The following DSE variants were observed in gnomAD, a reference collection of about 807,000 sequenced individuals.
The protein encoded by DSE is dermatan sulfate epimerase, also known as dermatan-sulfate epimerase.
In DSE, 36 loss-of-function variants were observed where a neutral mutation model predicts 84.4. The observed-to-expected ratio is 0.43, with a 90% CI of 0.33 to 0.56. The LOEUF (loss-of-function observed/expected upper bound fraction) is 0.56, where lower values mean the gene tolerates loss of function less well. Ranked by LOEUF, DSE falls within the 20% of genes least tolerant of loss-of-function variation. The probability of loss-of-function intolerance (pLI) is 0.06; values close to 1 mark genes in which losing one functional copy is unlikely to be tolerated. For synonymous variants in DSE, 410 were observed against 430.1 expected (o/e 0.95, Z 0.58); for missense variants, 862 against 1,169.6 (o/e 0.74, Z 3.84).
intron 2 of DSE, among the ~76,000 whole-genome samples, chr6:116,334,984 A>G (rs1013464998): frequency 6.6e-6 from 1 of 152,216 alleles, no homozygotes; most frequent in Admixed American, 6.5e-5. Context: ...GCAATTCCTC[A>G]AAGACCTAAA....
In DSE at chr6:116,437,166, T is replaced by C; in HGVS notation, c.2698T>C (p.Tyr900His). ...CAGGGCCCCATCACTGTCTGCTTCC[T>C]ATACCAGGTTGTTCCTGATTCTGAA... ...HSRAPSLSAS[Y>H]TRLFLILNIA... The change falls in exon 6 of 6, where the codon TAT becomes CAT. Residue 900 changes from tyrosine to histidine, a missense_variant. Physicochemically the swap from Tyr to His is moderately conservative, Grantham distance 83 (BLOSUM62 2). Transcript: ENST00000644252. 1 of 1,614,198 alleles carries C rather than the reference T, an allele frequency of 6.2e-7. No individual in the cohort carries two copies. Among genetic ancestry groups the C allele is most frequent in the East Asian group, 2.2e-5 (1 of 44,890 alleles).
intron 2 of DSE, among the ~76,000 whole-genome samples, chr6:116,410,900 T>G (rs998313353): frequency 6.6e-6 from 1 of 152,132 alleles, no homozygotes; most frequent in Non-Finnish European, 1.5e-5. Context: ...ATAATTAGCA[T>G]TCATAAGACT....
At chr6:116,347,574 G>A (rs1583062609) in intron 2 of DSE, among the ~76,000 whole-genome samples, 1 of 152,188 alleles carries the variant, frequency 6.6e-6, no homozygotes, top group Non-Finnish European at 1.5e-5. Context: ...GTGGTTCTGG[G>A]AAAACTGGCT....
chr6:116,313,710 C>G (rs1211857595), intron 2 of DSE, among the ~76,000 whole-genome samples: 2 of 152,190 alleles, frequency 1.3e-5, no homozygotes, highest in African/African-American at 4.8e-5. Flanking sequence ...ATTTTAGTTA[C>G]AGCATTAATT....
In DSE at chr6:116,436,531, C is replaced by T. The variant is rs143443243; in HGVS notation, c.2063C>T (p.Ala688Val). ...TCTCAGCAACTGGATGTGTTCATAG[C>T]CACCAGCAAACATGCCTACGCCACA... ...GDSQQLDVFI[A>V]TSKHAYATYL... Residue 688 changes from alanine to valine, a missense_variant, in exon 6 of 6, where the codon GCC becomes GTC. Coordinates refer to ENST00000644252, the MANE Select transcript of DSE (RefSeq NM_013352.4). 1.9e-5 allele frequency: 30 copies of T among 1,614,170 alleles called. No individual in the cohort carries two copies. Among genetic ancestry groups the T allele is most frequent in the Non-Finnish European group, 2.5e-5 (29 of 1,180,012 alleles).
At chr6:116,427,572 C>G (rs1209455965) in intron 3 of DSE, among the ~76,000 whole-genome samples, 1 of 152,210 alleles carries the variant, frequency 6.6e-6, no homozygotes, top group Non-Finnish European at 1.5e-5. Context: ...GGATTTTACC[C>G]AAACCTAGCT....
intron 2 of DSE, among the ~76,000 whole-genome samples, chr6:116,357,686 T>G (rs983232633): frequency 4.6e-5 from 7 of 152,190 alleles, no homozygotes; most frequent in Admixed American, 4.6e-4. Context: ...CCAAAATATT[T>G]AGAAACTACT....
intron 2 of DSE, among the ~76,000 whole-genome samples, chr6:116,320,436 A>G (rs574532882): frequency 2.0e-5 from 3 of 151,788 alleles, no homozygotes; most frequent in Non-Finnish European, 2.9e-5. Flanking sequence ...ATTAGATACT[A>G]GATAAGTCAG....
chr6:116,337,366 C>T (rs781088073), intron 2 of DSE, among the ~76,000 whole-genome samples: 1 of 152,196 alleles, frequency 6.6e-6, no homozygotes, highest in Non-Finnish European at 1.5e-5. Flanking sequence ...AATCCCAGCA[C>T]TTTGGGAGGC....
At chr6:116,400,148 C>T (rs1225099454) in intron 2 of DSE, 1 of 152,788 alleles carries the variant, frequency 6.5e-6, no homozygotes, top group African/African-American at 2.4e-5. Context: ...CAATAACCAG[C>T]AGATTTCTGA....
At chr6:116,433,083 A>G in intron 4 of DSE, 2 of 458,930 alleles carry the variant, frequency 4.4e-6, no homozygotes, top group Non-Finnish European at 8.0e-6. Flanking sequence ...AAGGCAGGGA[A>G]TAGGTGTAGC....
At chr6:116,258,523 G>C in exon 2 of DSE, 17 of 1,298,120 alleles carry the variant, frequency 1.3e-5, no homozygotes, top group Non-Finnish European at 1.9e-5. Context: ...CATGCTCCAA[G>C]AAGGCCACAC....
In DSE at chr6:116,399,347, A is replaced by G. The variant is rs933535774; in HGVS notation, c.97A>G (p.Ile33Val). ...CACCGACGAGAACCCAGAAGTTATG[A>G]TTCCCTTCACCAATGCCAACTACGA... ...YITDENPEVMIPFTNANYDSH... is the reference protein window; with the variant it reads ...YITDENPEVMVPFTNANYDSH... The change falls in exon 2 of 6, where the codon ATT becomes GTT. Residue 33 changes from isoleucine (I) to valine (V), a missense_variant. Physicochemically the swap from Ile to Val is conservative, Grantham distance 29. Transcript: ENST00000644252. The G allele has an allele frequency of 1.9e-6, 3 of 1,613,958 alleles. No homozygotes were observed. The highest frequency in any genetic ancestry group is 1.7e-5 in the Admixed American group (1 of 60,004).
At chr6:116,432,688 T>G (rs1378180958) in intron 4 of DSE, 1 of 152,142 alleles carries the variant, frequency 6.6e-6, no homozygotes, top group East Asian at 1.9e-4. Context: ...ATCTTGCTGC[T>G]TCTTTTTTCA....
At chr6:116,318,148 T>A (rs73548947) in intron 2 of DSE, among the ~76,000 whole-genome samples, 20,884 of 152,210 alleles carry the variant, frequency 0.14, 1,529 homozygotes, top group South Asian at 0.16. Flanking sequence ...ATGATTTCAT[T>A]TCTTGTAGCA....
chr6:116,402,118 A>G (rs941672849), intron 2 of DSE, among the ~76,000 whole-genome samples: 2 of 152,202 alleles, frequency 1.3e-5, no homozygotes, highest in African/African-American at 2.4e-5. Context: ...TCAAAGTTGA[A>G]GAAATAGCCC....
chr6:116,308,329 G>T (rs187122299), intron 2 of DSE, among the ~76,000 whole-genome samples: 1 of 152,150 alleles, frequency 6.6e-6, no homozygotes, highest in Non-Finnish European at 1.5e-5. Context: ...CTTCAATCTT[G>T]TAAGAGATTT....
chr6:116,320,874 G>C (rs1217240599), intron 2 of DSE, among the ~76,000 whole-genome samples: 2 of 152,094 alleles, frequency 1.3e-5, no homozygotes, highest in East Asian at 3.9e-4. Flanking sequence ...AACATTCTAA[G>C]GTACTAGGGC....
chr6:116,278,240 C>G (rs888690960), intron 2 of DSE: 1 of 438,678 alleles, frequency 2.3e-6, no homozygotes, highest in East Asian at 4.8e-5. Flanking sequence ...GCAGTACAAT[C>G]TACAGTATCA....
Sources: gnomAD v4.1 joint callset for allele counts (sites outside exome capture counted in the v4.1 genomes callset) on GRCh38, gnomAD v4.1.1 for gene constraint, MANE v1.5 for transcripts, NCBI Gene and HGNC (gene_info 2026-07-23, HGNC 2026-07-21) for gene names.